C9orf85: variants seen among roughly 807,000 people sequenced by gnomAD.
C9orf85 encodes chromosome 9 open reading frame 85, also known as uncharacterized protein C9orf85.
In C9orf85, 16 loss-of-function variants were observed where a neutral mutation model predicts 14.9. That is an observed-to-expected ratio of 1.08 (90% CI 0.73 to 1.63). C9orf85 has a LOEUF of 1.63. Among genes scored for constraint, C9orf85 ranks in the 40% most tolerant of loss-of-function variants. C9orf85 has a pLI of 0.00. For missense variants in C9orf85, 172 were observed against 186.1 expected, an observed-to-expected ratio of 0.92 and a Z score of 0.44; for synonymous variants, 45 against 56.8, an observed-to-expected ratio of 0.79 and a Z score of 0.93.
intron 2 of C9orf85, among the ~76,000 whole-genome samples, chr9:71,971,287 A>G (rs11143042): frequency 6.6e-6 from 1 of 152,252 alleles, no homozygotes; most frequent in East Asian, 1.9e-4. Flanking sequence ...AAAAATTTTA[A>G]GAGTGGATAA....
At chr9:71,951,546 C>G in intron 2 of C9orf85, among the ~76,000 whole-genome samples, 1 of 152,318 alleles carries the variant, frequency 6.6e-6, no homozygotes, top group Non-Finnish European at 1.5e-5. Flanking sequence ...CTACTACTCC[C>G]TGCGGGAGGG....
At chr9:71,917,178 A>G (rs1827671492) in intron 1 of C9orf85, among the ~76,000 whole-genome samples, 2 of 152,258 alleles carry the variant, frequency 1.3e-5, no homozygotes, top group African/African-American at 4.8e-5. Flanking sequence ...GTGTAATGGA[A>G]GCAGTGTGAC....
chr9:71,948,684 G>C (rs548698277), intron 2 of C9orf85, among the ~76,000 whole-genome samples: 64 of 152,088 alleles, frequency 4.2e-4, no homozygotes, highest in African/African-American at 1.5e-3. Context: ...ACCATGCCTG[G>C]CTAATTTTTG....
At chr9:71,972,117 T>C (rs954722458) in intron 3 of C9orf85, among the ~76,000 whole-genome samples, 2 of 152,170 alleles carry the variant, frequency 1.3e-5, no homozygotes, top group African/African-American at 4.8e-5. Context: ...AAATAAAATA[T>C]TTATGTGTGA....
At chr9:71,946,314 A>G (rs2132306567) in intron 1 of C9orf85, among the ~76,000 whole-genome samples, 1 of 152,364 alleles carries the variant, frequency 6.6e-6, no homozygotes, top group Middle Eastern at 3.4e-3. Flanking sequence ...TCTCAGTTTA[A>G]TTCCAACTCA....
chr9:71,944,888 T>TG (rs1822044304), intron 1 of C9orf85, among the ~76,000 whole-genome samples: 1 of 152,232 alleles, frequency 6.6e-6, no homozygotes, highest in Non-Finnish European at 1.5e-5. Flanking sequence ...CTATTTATAC[T>TG]GCTTCACACA....
At chr9:71,975,883 A>G (rs1822988744), downstream of C9orf85, among the ~76,000 whole-genome samples, 1 of 152,186 alleles carries the variant, frequency 6.6e-6, no homozygotes, top group African/African-American at 2.4e-5. Context: ...CCTTTTTTGC[A>G]TATAAACTTC....
chr9:71,966,132 A>G (rs73475960), intron 2 of C9orf85, among the ~76,000 whole-genome samples: 4,253 of 152,194 alleles, frequency 0.028, 216 homozygotes, highest in African/African-American at 0.097. Flanking sequence ...CCTGTAACCA[A>G]TCCAGCTGTT....
At chr9:71,982,451 T>A (rs112490399) in intron 3 of C9orf85, among the ~76,000 whole-genome samples, 8 of 152,132 alleles carry the variant, frequency 5.3e-5, no homozygotes, top group African/African-American at 1.9e-4. Context: ...TCATATTTAG[T>A]TTTTAAGGAA....
At chr9:71,978,453 A>T (rs1414702873), downstream of C9orf85, among the ~76,000 whole-genome samples, 1 of 152,202 alleles carries the variant, frequency 6.6e-6, no homozygotes, top group African/African-American at 2.4e-5. Flanking sequence ...TTTGAATTCA[A>T]CATAAGTTGT....
At chr9:71,968,828 C>G (rs544834687) in intron 2 of C9orf85, among the ~76,000 whole-genome samples, 173 of 152,206 alleles carry the variant, frequency 1.1e-3, no homozygotes, top group African/African-American at 3.9e-3. Flanking sequence ...GTGTCGTTCC[C>G]CTATTGGCTA....
intron 2 of C9orf85, among the ~76,000 whole-genome samples, chr9:71,947,503 A>C (rs1822132221): frequency 6.6e-6 from 1 of 152,210 alleles, no homozygotes; most frequent in Non-Finnish European, 1.5e-5. Context: ...CAACTCATGA[A>C]GATTACAGAA....
chr9:71,983,039 G>A (rs1387920065), exon 4 of C9orf85: 26 of 146,526 alleles, frequency 1.8e-4, no homozygotes, highest in African/African-American at 2.6e-4. Context: ...TCTATAGCCC[G>A]GGCTGGAGTG....
At chr9:71,927,713 T>TA (rs1827965202) in intron 1 of C9orf85, among the ~76,000 whole-genome samples, 1 of 152,214 alleles carries the variant, frequency 6.6e-6, no homozygotes, top group Non-Finnish European at 1.5e-5. Flanking sequence ...CTTCTTATGA[T>TA]AAAAAGCTTA....
At chr9:71,933,903 C>T (rs957199070) in intron 1 of C9orf85, among the ~76,000 whole-genome samples, 2 of 152,088 alleles carry the variant, frequency 1.3e-5, no homozygotes, top group Non-Finnish European at 2.9e-5. Context: ...CAAAGTTTCA[C>T]CTCCTTAACC....
chr9:71,936,285 T>C (rs1383870130), intron 1 of C9orf85, among the ~76,000 whole-genome samples: 3 of 152,110 alleles, frequency 2.0e-5, no homozygotes, highest in Non-Finnish European at 2.9e-5. Flanking sequence ...TTCGTTGAGC[T>C]CATTGCTGAG....
At chr9:71,950,527 G>A (rs1822218043) in intron 2 of C9orf85, among the ~76,000 whole-genome samples, 1 of 151,892 alleles carries the variant, frequency 6.6e-6, no homozygotes, top group Non-Finnish European at 1.5e-5. Context: ...ACATGCCACT[G>A]TGCCCGGCTA....
chr9:71,947,683 A>C (rs1016939053), intron 2 of C9orf85, among the ~76,000 whole-genome samples: 1 of 148,136 alleles, frequency 6.8e-6, no homozygotes, highest in Middle Eastern at 3.3e-3. Flanking sequence ...TGCTCTTGTC[A>C]CCCAGCCTGG....
At chr9:71,933,341 CAA>C (rs1395816174) in intron 1 of C9orf85, among the ~76,000 whole-genome samples, 2 of 152,100 alleles carry the variant, frequency 1.3e-5, no homozygotes, top group African/African-American at 4.8e-5. Flanking sequence ...AAACCAAAGA[CAA>C]AGAATTTTGA....
Sources: allele counts gnomAD v4.1 joint callset (sites outside exome capture counted in the v4.1 genomes callset), GRCh38; gene constraint gnomAD v4.1.1; transcripts MANE v1.5; gene names NCBI Gene and HGNC (gene_info 2026-07-23, HGNC 2026-07-21).